Variants in USP34 observed in about 807,000 individuals in gnomAD.
USP34 encodes the protein ubiquitin specific peptidase 34, also known as ubiquitin carboxyl-terminal hydrolase 34.
Under a neutral mutation model 460.3 loss-of-function variants are expected in USP34, and 70 were observed. That is an observed-to-expected ratio of 0.15 (90% CI 0.13 to 0.19). The LOEUF is 0.19. Ranked by LOEUF, USP34 falls within the 10% of genes least tolerant of loss-of-function variation. USP34 has a pLI of 1.00. For missense variants in USP34, 3,985 were observed against 4,236.2 expected (o/e 0.94, Z 1.65); for synonymous variants, 1,647 against 1,405.3 (o/e 1.17, Z -3.85).
chr2:61,290,443 A>G (rs1689815876), intron 33 of USP34, among the ~76,000 whole-genome samples: 1 of 152,154 alleles, frequency 6.6e-6, no homozygotes, highest in Admixed American at 6.5e-5. Flanking sequence ...TCAAATGTCA[A>G]TAGGTGAGCA....
Position 61,406,141 on chromosome 2 carries a change from A to C in USP34, c.132-13T>G. The C allele has an allele frequency of 6.6e-7, 1 of 1,515,608 alleles. No homozygotes were observed. The highest frequency in any genetic ancestry group is 8.8e-7 in the Non-Finnish European group (1 of 1,134,988). 93.9% of individuals were successfully genotyped at this position (1,515,608 alleles called of 1,614,324 possible). A position where few individuals can be genotyped will look rare whatever the true frequency, so the allele number is the denominator to read the frequency against. ...GCATAGACATTGCCTATAAGAGAAA[A>C]AAAATTGAATAAATTAGTAATAAAG... is the stretch of plus-strand genomic sequence containing the variant. On this transcript the variant is annotated splice_polypyrimidine_tract_variant and intron_variant, in intron 2 of 79. Coordinates refer to ENST00000398571, the MANE Select transcript of USP34 (RefSeq NM_014709.4).
chr2:61,437,558 G>A (rs145877617), intron 1 of USP34, among the ~76,000 whole-genome samples: 1 of 151,994 alleles, frequency 6.6e-6, no homozygotes, highest in African/African-American at 2.4e-5. Flanking sequence ...CAGATCACGA[G>A]GTCAGGAGTT....
chr2:61,406,803 G>A (rs941789442), intron 2 of USP34, among the ~76,000 whole-genome samples: 6 of 151,482 alleles, frequency 4.0e-5, no homozygotes, highest in Non-Finnish European at 5.9e-5. Flanking sequence ...TCAGGAGTTC[G>A]AAACCAGCCT....
intron 27 of USP34, among the ~76,000 whole-genome samples, chr2:61,309,556 C>T (rs553830353): frequency 8.5e-5 from 13 of 152,210 alleles, no homozygotes; most frequent in South Asian, 6.2e-4. Context: ...AAAGAATGGA[C>T]GACGAATCTG....
rs375505135 is a variant in USP34 at position 61,410,999 on chromosome 2, A to G, written c.132-4871T>C. On this transcript the variant is annotated intron_variant, in intron 2 of 79. Transcript: ENST00000398571. ...CCTGCAGGTTCCCATCCTAAAAAAAACAAAATATTATTCCTGTATCACCCA... is the reference window on the plus strand; with the variant it reads ...CCTGCAGGTTCCCATCCTAAAAAAAGCAAAATATTATTCCTGTATCACCCA... 3.9e-5 allele frequency among the ~76,000 whole-genome samples: 6 copies of G among 152,312 alleles called. No homozygotes were observed. The East Asian group carries it at 1.2e-3, about 29-fold the overall frequency.
At chr2:61,461,666 A>T (rs1464271767) in intron 1 of USP34, among the ~76,000 whole-genome samples, 3 of 152,130 alleles carry the variant, frequency 2.0e-5, no homozygotes, top group Non-Finnish European at 2.9e-5. Context: ...CTAAAATAAC[A>T]CTTTCTAAAG....
At chr2:61,215,938 C>G (rs756962288) in intron 67 of USP34, among the ~76,000 whole-genome samples, 5 of 152,276 alleles carry the variant, frequency 3.3e-5, no homozygotes, top group Middle Eastern at 3.4e-3. Context: ...AATAATGCTC[C>G]TAACATTCAC....
intron 76 of USP34, among the ~76,000 whole-genome samples, chr2:61,191,621 C>T (rs1439631507): frequency 6.6e-6 from 1 of 152,062 alleles, no homozygotes; most frequent in Non-Finnish European, 1.5e-5. Flanking sequence ...CTTTGGAGGC[C>T]TTATATGGTT....
At chr2:61,207,141 A>T (rs990545622) in intron 70 of USP34, 4 of 297,212 alleles carry the variant, frequency 1.3e-5, no homozygotes, top group African/African-American at 2.2e-5. Flanking sequence ...ACATTTTTTT[A>T]AAAAAGTACT....
chr2:61,296,725 C>G, intron 30 of USP34, 75 bp downstream of exon 30: 1 of 1,446,992 alleles, frequency 6.9e-7, no homozygotes, highest in South Asian at 1.5e-5. Context: ...CATCAACAGG[C>G]AATCTTCTAC....
chr2:61,258,759 C>A (rs1453317159), intron 44 of USP34, among the ~76,000 whole-genome samples: 1 of 152,092 alleles, frequency 6.6e-6, no homozygotes, highest in Non-Finnish European at 1.5e-5. Flanking sequence ...GATTTACTAT[C>A]TTTTTAAAAG....
chr2:61,252,374 C>A (rs902674993), intron 48 of USP34, among the ~76,000 whole-genome samples: 1 of 149,114 alleles, frequency 6.7e-6, no homozygotes, highest in Non-Finnish European at 1.5e-5. Context: ...TCAATTGCTG[C>A]TACTACAGTA....
intron 33 of USP34, among the ~76,000 whole-genome samples, chr2:61,289,083 G>T (rs918684726): frequency 6.6e-6 from 1 of 151,970 alleles, no homozygotes. Context: ...AATAAAGAGG[G>T]TATACAAGAT....
At chr2:61,446,502 T>C (rs899526438) in intron 1 of USP34, among the ~76,000 whole-genome samples, 2 of 152,164 alleles carry the variant, frequency 1.3e-5, no homozygotes. Context: ...TACATTAAAA[T>C]CCAGTGATGT....
At chr2:61,343,577 T>C (rs1375801369) in intron 16 of USP34, among the ~76,000 whole-genome samples, 3 of 152,236 alleles carry the variant, frequency 2.0e-5, no homozygotes, top group African/African-American at 4.8e-5. Flanking sequence ...ATTATTGCTA[T>C]ATATTTTCTT....
chr2:61,217,321 T>C (rs1402961023), intron 67 of USP34, among the ~76,000 whole-genome samples: 1 of 152,238 alleles, frequency 6.6e-6, no homozygotes, highest in East Asian at 1.9e-4. Context: ...ATATGGCAAC[T>C]CTAAGACACT....
chr2:61,206,166 A>C (rs749178640), intron 71 of USP34, 42 bp from the exon 72 acceptor site: 14 of 1,516,966 alleles, frequency 9.2e-6, no homozygotes, highest in African/African-American at 1.4e-5. Context: ...ATCTGAGATC[A>C]AACTTCCTCA....
At chr2:61,307,884 A>G (rs1690462691) in intron 27 of USP34, among the ~76,000 whole-genome samples, 1 of 152,050 alleles carries the variant, frequency 6.6e-6, no homozygotes, top group Non-Finnish European at 1.5e-5. Context: ...CCCTGTCTCT[A>G]CAAAAAATAC....
At chr2:61,188,768 G>C in intron 79 of USP34, 59 bp from the exon 80 acceptor site, 1 of 1,578,290 alleles carries the variant, frequency 6.3e-7, no homozygotes, top group East Asian at 2.2e-5. Context: ...TCACGTTAGG[G>C]GGGGATGTGG....
Sources: gnomAD v4.1 joint callset for allele counts (sites outside exome capture counted in the v4.1 genomes callset) on GRCh38, gnomAD v4.1.1 for gene constraint, MANE v1.5 for transcripts, NCBI Gene and HGNC (gene_info 2026-07-23, HGNC 2026-07-21) for gene names.